CCDC18: variants seen among roughly 807,000 people sequenced by gnomAD.
CCDC18 encodes the protein coiled-coil domain containing 18, also known as coiled-coil domain-containing protein 18.
Under a neutral mutation model 196.0 loss-of-function variants are expected in CCDC18, and 157 were observed. The observed-to-expected ratio is 0.80, with a 90% CI of 0.70 to 0.91. The LOEUF (loss-of-function observed/expected upper bound fraction) is 0.91. Among genes scored for constraint, CCDC18 ranks in the 40% least tolerant of loss-of-function variants. The pLI is 0.00. For synonymous variants in CCDC18, 482 were observed against 529.2 expected, an observed-to-expected ratio of 0.91 and a Z score of 1.22; for missense variants, 1,465 against 1,611.6, an observed-to-expected ratio of 0.91 and a Z score of 1.56.
intron 27 of CCDC18, among the ~76,000 whole-genome samples, chr1:93,266,230 G>A (rs916161251): frequency 6.6e-6 from 1 of 152,176 alleles, no homozygotes; most frequent in Non-Finnish European, 1.5e-5. Flanking sequence ...AAATGAAGAT[G>A]TTCTTTGAAA....
chr1:93,254,727 T>G, intron 24 of CCDC18, 113 bp downstream of exon 24: 1 of 1,004,178 alleles, frequency 1.0e-6, no homozygotes, highest in South Asian at 1.4e-5. Flanking sequence ...CATAACTGTT[T>G]TTAGGCTAGT....
intron 6 of CCDC18, among the ~76,000 whole-genome samples, chr1:93,197,777 A>G (rs1337770905): frequency 3.7e-5 from 4 of 109,214 alleles, no homozygotes; most frequent in Non-Finnish European, 6.8e-5. Context: ...TTTGAGACAG[A>G]GTCTCGCTCT....
chr1:93,257,683 T>TG (rs970004178), intron 25 of CCDC18, among the ~76,000 whole-genome samples: 3 of 152,130 alleles, frequency 2.0e-5, no homozygotes, highest in Admixed American at 6.6e-5. Context: ...ATTATACATT[T>TG]GGGGTTCTAG....
At chr1:93,252,897 C>T (rs1345783482) in intron 23 of CCDC18, among the ~76,000 whole-genome samples, 1 of 152,242 alleles carries the variant, frequency 6.6e-6, no homozygotes, top group Non-Finnish European at 1.5e-5. Flanking sequence ...TCAAGGTTGA[C>T]ATGGCTTTCT....
At chr1:93,185,642 A>G (rs910311331) in intron 3 of CCDC18, among the ~76,000 whole-genome samples, 2 of 151,862 alleles carry the variant, frequency 1.3e-5, no homozygotes, top group African/African-American at 4.8e-5. Flanking sequence ...GAGAGGAGGG[A>G]AGTGGGTAAT....
intron 11 of CCDC18, among the ~76,000 whole-genome samples, chr1:93,213,044 G>A (rs1456614248): frequency 6.6e-6 from 1 of 152,130 alleles, no homozygotes; most frequent in Admixed American, 6.5e-5. Flanking sequence ...TCATAATAGG[G>A]TTTGTGTTCC....
chr1:93,233,620 C>A (rs867454681), intron 18 of CCDC18, among the ~76,000 whole-genome samples: 1 of 133,028 alleles, frequency 7.5e-6, no homozygotes, highest in East Asian at 1.9e-4. Context: ...TTTTTTGAGA[C>A]GGAGTTTCAC....
intron 7 of CCDC18, 41 bp downstream of exon 7, chr1:93,202,029 T>C: frequency 8.7e-7 from 1 of 1,143,328 alleles, no homozygotes; most frequent in South Asian, 1.3e-5. Context: ...TGTATTACTG[T>C]CTATATTCCA....
chr1:93,237,177 C>G (rs943784190), intron 19 of CCDC18, among the ~76,000 whole-genome samples: 2 of 152,188 alleles, frequency 1.3e-5, no homozygotes, highest in African/African-American at 2.4e-5. Context: ...CCTCAGATGT[C>G]TGTCACCCTC....
chr1:93,226,887 A>C (rs1277594624), intron 17 of CCDC18, among the ~76,000 whole-genome samples: 1 of 152,130 alleles, frequency 6.6e-6, no homozygotes, highest in African/African-American at 2.4e-5. Context: ...ATAAAATGTA[A>C]ATTCCAATTT....
intron 28 of CCDC18, chr1:93,271,036 G>A (rs1665215218): frequency 1.0e-6 from 1 of 984,106 alleles, no homozygotes; most frequent in South Asian, 4.7e-5. Context: ...AGACAGAACA[G>A]GAAGTAGAAC....
chr1:93,274,197 G>A (rs1665506273), intron 28 of CCDC18, among the ~76,000 whole-genome samples: 1 of 152,046 alleles, frequency 6.6e-6, no homozygotes, highest in African/African-American at 2.4e-5. Context: ...GAGGTCAGGA[G>A]TTCAAGACCA....
intron 28 of CCDC18, among the ~76,000 whole-genome samples, chr1:93,273,293 C>T (rs1042616924): frequency 6.6e-6 from 1 of 152,204 alleles, no homozygotes; most frequent in African/African-American, 2.4e-5. Context: ...TGGTCTCGAT[C>T]TCCTGACCTC....
chr1:93,250,614 A>C lies in CCDC18; in HGVS notation c.3198+3660A>C, dbSNP rs548677264. Reference sequence around the variant, plus strand: ...ACCTATTTGTCCCTTGAGATCTATTAATGTTTGCTTTATATACTCGGGAGC... The same window carrying C: ...ACCTATTTGTCCCTTGAGATCTATTCATGTTTGCTTTATATACTCGGGAGC... On this transcript the variant is annotated intron_variant, in intron 23 of 28. Transcript: ENST00000690025. Among the ~76,000 whole-genome samples the C allele has an allele frequency of 3.9e-5, 6 of 152,122 alleles. No homozygotes were observed. In the East Asian group the frequency reaches 1.2e-3, roughly 29 times the overall value.
chr1:93,275,173 C>T (rs566753095), intron 28 of CCDC18, among the ~76,000 whole-genome samples: 5 of 152,062 alleles, frequency 3.3e-5, no homozygotes, highest in African/African-American at 4.8e-5. Flanking sequence ...TGTAGTGGCA[C>T]GAGAGCTCAC....
At chr1:93,196,414 A>T (rs1459574328) in intron 6 of CCDC18, among the ~76,000 whole-genome samples, 1 of 152,228 alleles carries the variant, frequency 6.6e-6, no homozygotes, top group Non-Finnish European at 1.5e-5. Flanking sequence ...CACACAGAAT[A>T]GACTTCAGTG....
At chr1:93,184,892 G>A (rs1357411283) in intron 3 of CCDC18, among the ~76,000 whole-genome samples, 1 of 151,824 alleles carries the variant, frequency 6.6e-6, no homozygotes, top group East Asian at 1.9e-4. Context: ...TGTTTACATG[G>A]TATGTAATTC....
intron 23 of CCDC18, among the ~76,000 whole-genome samples, chr1:93,247,534 G>C (rs1436700990): frequency 6.6e-6 from 1 of 151,938 alleles, no homozygotes; most frequent in Admixed American, 6.6e-5. Flanking sequence ...TCCACCTCAA[G>C]TCTCTGAAGT....
chr1:93,202,769 C>T (rs1654044744), intron 7 of CCDC18, among the ~76,000 whole-genome samples: 1 of 152,134 alleles, frequency 6.6e-6, no homozygotes, highest in Admixed American at 6.5e-5. Context: ...TGATACATAA[C>T]ACATGATACC....
Sources: allele counts gnomAD v4.1 joint callset (sites outside exome capture counted in the v4.1 genomes callset), GRCh38; gene constraint gnomAD v4.1.1; transcripts MANE v1.5; gene names NCBI Gene and HGNC (gene_info 2026-07-23, HGNC 2026-07-21).